The following WDPCP variants were observed in gnomAD, a reference collection of about 807,000 sequenced individuals.
WDPCP encodes WD repeat-containing and planar cell polarity effector protein fritz homolog.
Under a neutral mutation model 93.1 loss-of-function variants are expected in WDPCP, and 71 were observed. That is an observed-to-expected ratio of 0.76 (90% CI 0.63 to 0.93). The LOEUF (loss-of-function observed/expected upper bound fraction) is 0.93. Ranked by LOEUF, WDPCP falls within the 40% of genes least tolerant of loss-of-function variation. The pLI, the probability that WDPCP is intolerant of heterozygous loss-of-function variation, is 0.00. For missense variants in WDPCP, 844 were observed against 887.4 expected (o/e 0.95, Z 0.62); for synonymous variants, 315 against 315.0 (o/e 1.00, Z 0.00).
intron 1 of WDPCP, among the ~76,000 whole-genome samples, chr2:63,536,726 AAAAC>A (rs1045076286): frequency 4.6e-5 from 7 of 151,750 alleles, no homozygotes; most frequent in Non-Finnish European, 7.4e-5. Flanking sequence ...TGGAAAGATA[AAAAC>A]AAACAACCAA....
In WDPCP at chr2:63,403,560, G is replaced by T. The variant is rs78236255; in HGVS notation, c.1435+488C>A. ...AAAAGAGAAACTAAAAGTTATACAG[G>T]TATCTTCAGCAAATTCTAACTAAAT... On this transcript the variant is annotated intron_variant, in intron 10 of 17. Coordinates refer to ENST00000272321, the MANE Select transcript of WDPCP (RefSeq NM_015910.7). 265 of 153,856 alleles carry T rather than the reference G, an allele frequency of 1.7e-3. 3 individuals are homozygous for T. The East Asian group carries it at 0.043, about 25-fold the overall frequency. 9.5% of individuals were successfully genotyped at this position (153,856 alleles called of 1,614,324 possible).
intron 17 of WDPCP, among the ~76,000 whole-genome samples, chr2:63,138,484 C>A (rs1352030276): frequency 6.9e-6 from 1 of 144,580 alleles, no homozygotes; most frequent in East Asian, 2.0e-4. Flanking sequence ...GACGGAGTCT[C>A]GCTGTTGCCC....
chr2:63,335,838 A>G (rs1359460148), intron 12 of WDPCP, among the ~76,000 whole-genome samples: 2 of 152,246 alleles, frequency 1.3e-5, no homozygotes, highest in African/African-American at 4.8e-5. Context: ...AGCACAAAAT[A>G]CAGGTCATAA....
chr2:63,617,526 T>C (rs2106633819), intron 3 of WDPCP, among the ~76,000 whole-genome samples: 1 of 152,270 alleles, frequency 6.6e-6, no homozygotes, highest in African/African-American at 2.4e-5. Context: ...GACTTTCATA[T>C]TGTCTGCGGT....
chr2:63,552,905 T>C, intron 1 of WDPCP, among the ~76,000 whole-genome samples: 1 of 152,190 alleles, frequency 6.6e-6, no homozygotes, highest in Non-Finnish European at 1.5e-5. Flanking sequence ...GTAAAATAAA[T>C]ACAAGTGTGT....
intron 2 of WDPCP, among the ~76,000 whole-genome samples, chr2:63,687,801 A>G (rs1668829468): frequency 6.6e-6 from 1 of 152,162 alleles, no homozygotes; most frequent in Admixed American, 6.5e-5. Flanking sequence ...ACAAAAAATA[A>G]AGCTACTCTA....
chr2:63,419,086 G>A (rs1414615910), intron 9 of WDPCP, among the ~76,000 whole-genome samples: 2 of 152,166 alleles, frequency 1.3e-5, no homozygotes, highest in Non-Finnish European at 2.9e-5. Context: ...AAAGTCCTGG[G>A]ATTTCCCAAT....
intron 12 of WDPCP, among the ~76,000 whole-genome samples, chr2:63,330,457 C>A (rs1465485652): frequency 1.3e-5 from 2 of 152,014 alleles, no homozygotes; most frequent in Admixed American, 1.3e-4. Flanking sequence ...TGTATGAGTT[C>A]CTTATATATT....
chr2:63,199,301 T>G (rs953449479), intron 14 of WDPCP, among the ~76,000 whole-genome samples: 8 of 152,190 alleles, frequency 5.3e-5, no homozygotes, highest in South Asian at 4.1e-4. Flanking sequence ...TAAGAGGAGC[T>G]GAATGTTAGT....
In WDPCP at chr2:63,771,751, C is replaced by T. The variant is rs560097728; in HGVS notation, n.308+41871G>A. On this transcript the variant is annotated intron_variant and non_coding_transcript_variant, in intron 2 of 4. Coordinates refer to the WDPCP transcript ENST00000467687. Reference sequence around the variant, plus strand: ...ATGTCTATTGTGCTTATCTTTGTGTCTGTGTGTACCCAATGTTTAGCTCCC... The same window carrying T: ...ATGTCTATTGTGCTTATCTTTGTGTTTGTGTGTACCCAATGTTTAGCTCCC... Among the ~76,000 whole-genome samples the T allele has an allele frequency of 4.6e-5, 7 of 152,090 alleles. No individual in the cohort carries two copies. In the East Asian group the frequency reaches 7.7e-4, roughly 17 times the overall value.
chr2:63,622,055 CTTTCTTT>C lies in WDPCP; in HGVS notation n.488+28597_488+28603del, dbSNP rs1394022942. 3.2e-5 allele frequency: 18 copies of C among 566,804 alleles called. No individual in the cohort carries two copies. In the African/African-American group the frequency reaches 3.2e-4, roughly 10 times the overall value. The allele number at this position is 566,804 out of a possible 1,614,324, so 35.1% of individuals were successfully genotyped here. On this transcript the variant is annotated intron_variant and non_coding_transcript_variant, in intron 3 of 4. Coordinates refer to the WDPCP transcript ENST00000467687. ...CCCACTCCCCTCACCCCTCAACATTCTTTCTTTTTTCTTTTTTTTTTTTTTTTTTGGA... is the reference window on the plus strand; with the variant it reads ...CCCACTCCCCTCACCCCTCAACATTCTTTCTTTTTTTTTTTTTTTTTTGGA...
chr2:63,702,210 G>C (rs946241300), intron 2 of WDPCP, among the ~76,000 whole-genome samples: 8 of 151,984 alleles, frequency 5.3e-5, no homozygotes, highest in African/African-American at 1.9e-4. Context: ...ATTTTTGGTA[G>C]AGATGGGGTT....
At chr2:63,513,405 G>A (rs1174498855) in intron 1 of WDPCP, among the ~76,000 whole-genome samples, 1 of 152,044 alleles carries the variant, frequency 6.6e-6, no homozygotes, top group Admixed American at 6.6e-5. Context: ...GGGTTGTTGA[G>A]GCTCAGACCA....
At chr2:63,323,426 TC>T (rs1298001268) in intron 12 of WDPCP, among the ~76,000 whole-genome samples, 1 of 152,160 alleles carries the variant, frequency 6.6e-6, no homozygotes, top group African/African-American at 2.4e-5. Context: ...GGGGGGACTA[TC>T]TGGAATTTTA....
chr2:63,658,342 A>T (rs1710190657), intron 2 of WDPCP, among the ~76,000 whole-genome samples: 1 of 152,232 alleles, frequency 6.6e-6, no homozygotes, highest in African/African-American at 2.4e-5. Flanking sequence ...AAAAAGACAG[A>T]GTAAAATAGC....
At chr2:63,622,707 C>A (rs954615678) in intron 3 of WDPCP, 11 of 1,613,598 alleles carry the variant, frequency 6.8e-6, no homozygotes, top group East Asian at 4.5e-5. Flanking sequence ...GGTCACCTCC[C>A]GGTGTACTAT....
At chr2:63,228,495 A>G (rs1018752083) in intron 14 of WDPCP, 7 of 148,086 alleles carry the variant, frequency 4.7e-5, no homozygotes, top group Non-Finnish European at 8.9e-5. Flanking sequence ...GGTTTGTTAC[A>G]TATGTATACA....
At chr2:63,238,124 A>T (rs1019943202) in intron 14 of WDPCP, among the ~76,000 whole-genome samples, 2 of 152,110 alleles carry the variant, frequency 1.3e-5, no homozygotes, top group South Asian at 2.1e-4. Flanking sequence ...AATAATACAA[A>T]TTTTTTTGTT....
chr2:63,294,116 G>C (rs1050037555), intron 13 of WDPCP, among the ~76,000 whole-genome samples: 1 of 152,200 alleles, frequency 6.6e-6, no homozygotes, highest in Non-Finnish European at 1.5e-5. Context: ...CAGAAAGAGA[G>C]AAGTGATTTT....
Sources: gnomAD v4.1 joint callset for allele counts (sites outside exome capture counted in the v4.1 genomes callset) on GRCh38, gnomAD v4.1.1 for gene constraint, MANE v1.5 for transcripts, NCBI Gene and HGNC (gene_info 2026-07-23, HGNC 2026-07-21) for gene names.